SEMA3E: variants seen among roughly 807,000 people sequenced by gnomAD.
The protein encoded by SEMA3E is semaphorin 3E, also known as semaphorin-3E.
SEMA3E carries 49 observed loss-of-function variants against 93.6 expected under a neutral mutation model. That is an observed-to-expected ratio of 0.52 (90% CI 0.42 to 0.66). The LOEUF (loss-of-function observed/expected upper bound fraction) is 0.66. Ranked by LOEUF, SEMA3E falls within the 30% of genes least tolerant of loss-of-function variation. The pLI, the probability that SEMA3E is intolerant of heterozygous loss-of-function variation, is 0.00. For missense variants in SEMA3E, 906 were observed against 964.8 expected, an observed-to-expected ratio of 0.94 and a Z score of 0.81; for synonymous variants, 363 against 330.7, an observed-to-expected ratio of 1.10 and a Z score of -1.06.
At chr7:83,478,387 A>T (rs1790067236) in intron 2 of SEMA3E, among the ~76,000 whole-genome samples, 2 of 152,184 alleles carry the variant, frequency 1.3e-5, no homozygotes, top group African/African-American at 4.8e-5. Context: ...AAACATTTTC[A>T]TTTTTTATTT....
rs946688077 is a variant in SEMA3E at position 83,516,627 on chromosome 7, A to T, written c.116-26353T>A. ...TTATGTAAACTCTTACTTACAAATC[A>T]TCTAAATTGCTTAGAACAGAGAGAA... On this transcript the variant is annotated intron_variant, in intron 1 of 16. Coordinates refer to ENST00000643230, the MANE Select transcript of SEMA3E (RefSeq NM_012431.3). Among the ~76,000 whole-genome samples, 3 of 152,312 alleles carry T rather than the reference A, an allele frequency of 2.0e-5. No individual in the cohort carries two copies. In the East Asian group the frequency reaches 5.8e-4, roughly 29 times the overall value.
chr7:83,529,363 A>G (rs527726511), intron 1 of SEMA3E, among the ~76,000 whole-genome samples: 12 of 152,272 alleles, frequency 7.9e-5, no homozygotes, highest in Non-Finnish European at 1.6e-4. Context: ...TAACCAAGGT[A>G]TAGAGGAGTT....
intron 1 of SEMA3E, among the ~76,000 whole-genome samples, chr7:83,603,447 G>A (rs1169303333): frequency 2.6e-5 from 4 of 152,116 alleles, no homozygotes; most frequent in African/African-American, 9.7e-5. Context: ...TAGAAGGGAT[G>A]AGAGGAGGAA....
At chr7:83,498,139 A>G (rs1790525426) in intron 1 of SEMA3E, among the ~76,000 whole-genome samples, 2 of 152,120 alleles carry the variant, frequency 1.3e-5, no homozygotes, top group Admixed American at 1.3e-4. Flanking sequence ...ACAATACAGT[A>G]TATAATACAT....
intron 2 of SEMA3E, among the ~76,000 whole-genome samples, chr7:83,474,676 C>A (rs141868739): frequency 1.8e-3 from 280 of 152,252 alleles, no homozygotes; most frequent in African/African-American, 6.4e-3. Flanking sequence ...GTGGGTCATG[C>A]ATGATTTAGG....
intron 1 of SEMA3E, among the ~76,000 whole-genome samples, chr7:83,538,821 A>C (rs940673028): frequency 6.6e-6 from 1 of 152,128 alleles, no homozygotes; most frequent in African/African-American, 2.4e-5. Context: ...TTCTTGAATA[A>C]ACCTTTTCAG....
chr7:83,531,196 G>GTTAATA (rs1268825662), intron 1 of SEMA3E, among the ~76,000 whole-genome samples: 3 of 151,244 alleles, frequency 2.0e-5, no homozygotes, highest in African/African-American at 7.3e-5. Flanking sequence ...AGCATCTAAA[G>GTTAATA]TTAATATTTT....
rs745626807 is a variant in SEMA3E, at chr7:83,408,422, T to C, written c.616A>G (p.Met206Val). ...GTGCGGATATGGGCCAGTCGCCCCA[T>C]GCTGCGGAAGATCGCAGCGTCTCTG... is the stretch of plus-strand genomic sequence containing the variant. ...WSRDAAIFRS[M>V]GRLAHIRTEH... Residue 206 changes from methionine (M) to valine (V), a missense_variant, in exon 6 of 17, where the codon ATG (methionine) becomes GTG (valine). Met to Val is a conservative substitution (Grantham distance 21). Coordinates refer to ENST00000643230, the MANE Select transcript of SEMA3E (RefSeq NM_012431.3). The C allele has an allele frequency of 5.6e-6, 9 of 1,613,718 alleles. No homozygotes were observed. The Admixed American group carries it at 1.3e-4, about 24-fold the overall frequency.
chr7:83,610,214 C>A (rs1453796397), intron 1 of SEMA3E, among the ~76,000 whole-genome samples: 1 of 151,974 alleles, frequency 6.6e-6, no homozygotes, highest in Non-Finnish European at 1.5e-5. Context: ...TCTATCCTGT[C>A]TTTCTAGTTT....
chr7:83,476,307 T>A (rs945138825), intron 2 of SEMA3E, among the ~76,000 whole-genome samples: 4 of 152,172 alleles, frequency 2.6e-5, no homozygotes, highest in Non-Finnish European at 5.9e-5. Context: ...CAAGTAAAAT[T>A]TTCCAGTTTA....
intron 14 of SEMA3E, among the ~76,000 whole-genome samples, chr7:83,390,576 T>C (rs1035330777): frequency 6.6e-6 from 1 of 152,268 alleles, no homozygotes; most frequent in East Asian, 1.9e-4. Flanking sequence ...ATGACCTGTT[T>C]TCAATTTCTG....
intron 1 of SEMA3E, among the ~76,000 whole-genome samples, chr7:83,647,346 A>G (rs533029926): frequency 4.6e-5 from 7 of 152,280 alleles, no homozygotes; most frequent in Non-Finnish European, 7.4e-5. Flanking sequence ...TTCTACCTGT[A>G]CTTAGAAAAT....
chr7:83,444,398 G>A (rs752951678), intron 4 of SEMA3E, among the ~76,000 whole-genome samples: 8 of 152,140 alleles, frequency 5.3e-5, no homozygotes, highest in Non-Finnish European at 1.2e-4. Context: ...TGAATGTGTA[G>A]AGTTTTATTT....
chr7:83,601,911 A>C (rs1161674738), intron 1 of SEMA3E, among the ~76,000 whole-genome samples: 2 of 152,214 alleles, frequency 1.3e-5, no homozygotes, highest in Admixed American at 6.5e-5. Flanking sequence ...TCACTTATAA[A>C]TGATTTGACA....
intron 1 of SEMA3E, among the ~76,000 whole-genome samples, chr7:83,576,309 A>G (rs1382107640): frequency 2.0e-5 from 3 of 152,162 alleles, no homozygotes; most frequent in African/African-American, 7.2e-5. Flanking sequence ...TTTATTGGAA[A>G]ATTTCAAACA....
intron 15 of SEMA3E, among the ~76,000 whole-genome samples, chr7:83,385,753 A>T (rs942751773): frequency 6.6e-6 from 1 of 152,172 alleles, no homozygotes; most frequent in African/African-American, 2.4e-5. Context: ...TTGAGGGAAG[A>T]GAAAGGGAAC....
chr7:83,474,766 T>A (rs1174353026), intron 2 of SEMA3E, among the ~76,000 whole-genome samples: 1 of 152,182 alleles, frequency 6.6e-6, no homozygotes, highest in Non-Finnish European at 1.5e-5. Flanking sequence ...ATAGGTCGAA[T>A]CCTAGAAGTG....
chr7:83,597,643 T>C (rs1175289769), intron 1 of SEMA3E, among the ~76,000 whole-genome samples: 1 of 152,182 alleles, frequency 6.6e-6, no homozygotes, highest in Non-Finnish European at 1.5e-5. Context: ...ATTGGACTTA[T>C]ATTCACTTTG....
chr7:83,611,312 T>C (rs1361028886), intron 1 of SEMA3E, among the ~76,000 whole-genome samples: 1 of 144,290 alleles, frequency 6.9e-6, no homozygotes, highest in East Asian at 2.0e-4. Flanking sequence ...TATATATAAA[T>C]TTATGTATAA....
Sources: allele counts gnomAD v4.1 joint callset (sites outside exome capture counted in the v4.1 genomes callset), GRCh38; gene constraint gnomAD v4.1.1; transcripts MANE v1.5; gene names NCBI Gene and HGNC (gene_info 2026-07-23, HGNC 2026-07-21).